The following MTCL1 variants were observed in gnomAD, a reference collection of about 807,000 sequenced individuals.
MTCL1 encodes microtubule crosslinking factor 1.
In MTCL1, 79 loss-of-function variants were observed where a neutral mutation model predicts 141.4. That is an observed-to-expected ratio of 0.56 (90% confidence interval 0.47 to 0.67). The LOEUF is 0.67. MTCL1 is among the 30% of genes least tolerant of loss of function. The pLI is 0.00. For missense variants in MTCL1, 2,177 were observed against 2,113.9 expected (o/e 1.03, Z -0.59); for synonymous variants, 914 against 875.8 (o/e 1.04, Z -0.77).
chr18:8,723,749 A>G (rs55866843), intron 4 of MTCL1, among the ~76,000 whole-genome samples: 13,115 of 152,220 alleles, frequency 0.086, 939 homozygotes, highest in African/African-American at 0.19. Flanking sequence ...AAGGCCGATG[A>G]TGGTGTTACC....
intron 5 of MTCL1, among the ~76,000 whole-genome samples, chr18:8,778,661 G>A (rs2096521602): frequency 6.6e-6 from 1 of 152,198 alleles, no homozygotes; most frequent in Non-Finnish European, 1.5e-5. Context: ...CATTCAAGGG[G>A]GGGCAGGCCC....
Position 8,797,530 on chromosome 18 carries a change from G to C in MTCL1, c.2242-567G>C, listed in dbSNP as rs558788346. 1.2e-4 allele frequency among the ~76,000 whole-genome samples: 19 copies of C among 152,310 alleles called. No individual in the cohort carries two copies. The South Asian group carries it at 3.9e-3, about 32-fold the overall frequency. On this transcript the variant is annotated intron_variant, in intron 9 of 16. Coordinates refer to ENST00000359865, the Ensembl canonical transcript of MTCL1. ...TGTATTCTGTACATCACTGACCCTGGCTTCTTGGCCAGCTGCTTCGAGGCA... is the reference window on the plus strand; with the variant it reads ...TGTATTCTGTACATCACTGACCCTGCCTTCTTGGCCAGCTGCTTCGAGGCA...
intron 4 of MTCL1, among the ~76,000 whole-genome samples, chr18:8,730,476 A>G (rs529887118): frequency 4.3e-4 from 65 of 152,350 alleles, no homozygotes; most frequent in African/African-American, 1.5e-3. Flanking sequence ...AGGATAGTTA[A>G]TAAAGGCCAG....
chr18:8,820,353 T>C (rs902818883), intron 13 of MTCL1, among the ~76,000 whole-genome samples: 2 of 151,890 alleles, frequency 1.3e-5, no homozygotes, highest in East Asian at 3.9e-4. Context: ...GAGCTTGTAG[T>C]GAGCCAAGAT....
intron 4 of MTCL1, among the ~76,000 whole-genome samples, chr18:8,770,513 G>C (rs1267288683): frequency 6.6e-6 from 1 of 152,138 alleles, no homozygotes; most frequent in African/African-American, 2.4e-5. Context: ...CCTCTTCCTC[G>C]TCTTACAAGG....
At chr18:8,753,698 T>C (rs2096383212) in intron 4 of MTCL1, among the ~76,000 whole-genome samples, 2 of 152,210 alleles carry the variant, frequency 1.3e-5, no homozygotes, top group Non-Finnish European at 2.9e-5. Flanking sequence ...GCCTGCTCTT[T>C]GTTGCAGAGG....
At chr18:8,739,769 G>A (rs1235335819) in intron 4 of MTCL1, among the ~76,000 whole-genome samples, 3 of 152,020 alleles carry the variant, frequency 2.0e-5, no homozygotes, top group Admixed American at 1.3e-4. Flanking sequence ...GTCTTGCTCT[G>A]TCACCAGGCT....
chr18:8,820,935 T>C (rs1474298089), intron 13 of MTCL1, among the ~76,000 whole-genome samples: 6 of 152,226 alleles, frequency 3.9e-5, no homozygotes, highest in Non-Finnish European at 7.3e-5. Flanking sequence ...GGGAAGGCAC[T>C]GTACTTTGCC....
intron 6 of MTCL1, 51 bp downstream of exon 5, chr18:8,784,894 T>C (rs763942412): frequency 4.1e-5 from 60 of 1,469,058 alleles, no homozygotes; most frequent in East Asian, 3.2e-4. Flanking sequence ...TCTTCCTCCT[T>C]CTCGCTGGCA....
At chr18:8,710,888 C>T (rs961212478) in intron 1 of MTCL1, among the ~76,000 whole-genome samples, 154 of 80,760 alleles carry the variant, frequency 1.9e-3, no homozygotes, top group Admixed American at 2.4e-3. Flanking sequence ...TTTTTTTTTA[C>T]TTTTTTTTTT....
intron 4 of MTCL1, among the ~76,000 whole-genome samples, chr18:8,756,931 G>A (rs16954099): frequency 1.3e-5 from 2 of 152,128 alleles, no homozygotes; most frequent in African/African-American, 2.4e-5. Flanking sequence ...CCTGGTGGAT[G>A]TGACACTTGC....
chr18:8,706,601 G>A (rs1405482331), exon 1 of MTCL1: 2 of 1,522,656 alleles, frequency 1.3e-6, no homozygotes, highest in Non-Finnish European at 1.8e-6. Context: ...CCAGTCCCCG[G>A]GACCCCCAAG....
intron 7 of MTCL1, 76 bp downstream of exon 6, chr18:8,786,167 T>G: frequency 6.9e-7 from 1 of 1,442,056 alleles, no homozygotes; most frequent in Non-Finnish European, 9.4e-7. Context: ...TGACGTTTTC[T>G]GTCCCGGACG....
chr18:8,752,923 G>A (rs1184405911), intron 4 of MTCL1, among the ~76,000 whole-genome samples: 1 of 152,184 alleles, frequency 6.6e-6, no homozygotes, highest in Non-Finnish European at 1.5e-5. Context: ...AGCAACCTCA[G>A]AAAATACAGT....
intron 6 of MTCL1, chr18:8,785,717 C>T (rs1433687720): frequency 1.7e-5 from 10 of 586,746 alleles, no homozygotes. Flanking sequence ...TTTGCTCATC[C>T]TCATCTTGGG....
At chr18:8,759,025 G>A (rs994094568) in intron 4 of MTCL1, among the ~76,000 whole-genome samples, 1 of 152,210 alleles carries the variant, frequency 6.6e-6, no homozygotes, top group African/African-American at 2.4e-5. Context: ...ACAGCAGGGG[G>A]TGTGGAGAGC....
intron 4 of MTCL1, among the ~76,000 whole-genome samples, chr18:8,773,625 A>G (rs1295411775): frequency 2.0e-5 from 3 of 152,158 alleles, no homozygotes; most frequent in African/African-American, 7.2e-5. Flanking sequence ...TTTATAAAGA[A>G]CACACATCAA....
At chr18:8,769,985 TA>T (rs2149044391) in intron 4 of MTCL1, among the ~76,000 whole-genome samples, 1 of 152,358 alleles carries the variant, frequency 6.6e-6, no homozygotes, top group African/African-American at 2.4e-5. Context: ...ACCATTCCTA[TA>T]ATAGTCCTTT....
intron 14 of MTCL1, among the ~76,000 whole-genome samples, chr18:8,824,019 G>A (rs690104): frequency 2.6e-5 from 4 of 151,854 alleles, no homozygotes; most frequent in East Asian, 1.9e-4. Context: ...ACACCTCATC[G>A]CCCCATCCCA....
Sources: allele counts gnomAD v4.1 joint callset (sites outside exome capture counted in the v4.1 genomes callset), GRCh38; gene constraint gnomAD v4.1.1; transcripts MANE v1.5; gene names NCBI Gene and HGNC (gene_info 2026-07-23, HGNC 2026-07-21).